Variants in SOX5 observed in about 807,000 individuals in gnomAD.
SOX5 encodes SRY-box transcription factor 5, also known as transcription factor SOX-5.
A neutral mutation model predicts 92.0 loss-of-function variants in SOX5; 9 were observed. That is an observed-to-expected ratio of 0.10 (90% CI 0.06 to 0.17). The LOEUF (loss-of-function observed/expected upper bound fraction) is 0.17, where lower values mean the gene tolerates loss of function less well. SOX5 is among the 10% of genes least tolerant of loss of function. SOX5 has a pLI of 1.00. For synonymous variants in SOX5, 344 were observed against 336.3 expected, an observed-to-expected ratio of 1.02 and a Z score of -0.25; for missense variants, 642 against 944.5, an observed-to-expected ratio of 0.68 and a Z score of 4.20.
intron 1 of SOX5, among the ~76,000 whole-genome samples, chr12:23,903,117 C>T (rs1051905572): frequency 6.6e-6 from 1 of 152,110 alleles, no homozygotes; most frequent in Non-Finnish European, 1.5e-5. Context: ...GTGAAAGATA[C>T]TATGTGCCCG....
At chr12:23,697,792 C>T (rs2090088252) in intron 6 of SOX5, among the ~76,000 whole-genome samples, 1 of 152,188 alleles carries the variant, frequency 6.6e-6, no homozygotes, top group Non-Finnish European at 1.5e-5. Flanking sequence ...CTCAAGAGAT[C>T]TGCCTGCCTT....
chr12:23,592,197 A>T (rs945011186), intron 9 of SOX5, among the ~76,000 whole-genome samples: 5 of 152,166 alleles, frequency 3.3e-5, no homozygotes, highest in African/African-American at 1.2e-4. Context: ...TTGGTAAAAA[A>T]TTTGAAAGAA....
At chr12:24,400,080 G>A (rs1284998864) in intron 1 of SOX5, among the ~76,000 whole-genome samples, 1 of 152,110 alleles carries the variant, frequency 6.6e-6, no homozygotes, top group Non-Finnish European at 1.5e-5. Flanking sequence ...AGGAAATCCA[G>A]TCCATAATTC....
chr12:23,584,411 G>A lies in SOX5; in HGVS notation c.1165-8573C>T, dbSNP rs573755116. On this transcript the variant is annotated intron_variant, in intron 9 of 14. Coordinates refer to ENST00000451604, the MANE Select transcript of SOX5 (RefSeq NM_006940.6). ...TCAGATCTTTGAAAAGTTTGGTCTG[G>A]TTATACGCAGATAGGCCATCTTTAG... 1.4e-5 allele frequency: 10 copies of A among 730,228 alleles called. No individual in the cohort carries two copies. The South Asian group carries it at 1.5e-4, about 11-fold the overall frequency. The allele number at this position is 730,228 out of a possible 1,614,324, so 45.2% of individuals were successfully genotyped here. A position where few individuals can be genotyped will look rare whatever the true frequency, so the allele number is the denominator to read the frequency against.
intron 2 of SOX5, among the ~76,000 whole-genome samples, chr12:24,360,461 C>T (rs1955415229): frequency 6.6e-6 from 1 of 151,958 alleles, no homozygotes; most frequent in Non-Finnish European, 1.5e-5. Flanking sequence ...CATAAAAAGT[C>T]CAAAAAGTAG....
At chr12:23,639,419 A>T (rs937872592) in intron 8 of SOX5, among the ~76,000 whole-genome samples, 1 of 152,176 alleles carries the variant, frequency 6.6e-6, no homozygotes, top group Non-Finnish European at 1.5e-5. Flanking sequence ...ACTTGCTTTG[A>T]AAACCAACAT....
chr12:24,278,671 A>G (rs1361518136), intron 2 of SOX5, among the ~76,000 whole-genome samples: 1 of 152,142 alleles, frequency 6.6e-6, no homozygotes, highest in East Asian at 1.9e-4. Context: ...TGGTTGCGTC[A>G]CTGCACTTCA....
chr12:23,845,734 T>C (rs978581044), intron 3 of SOX5, among the ~76,000 whole-genome samples: 1 of 152,160 alleles, frequency 6.6e-6, no homozygotes, highest in African/African-American at 2.4e-5. Flanking sequence ...TATTCTTGAA[T>C]CTTTTTCATG....
At chr12:24,328,709 T>C (rs761077353) in intron 2 of SOX5, among the ~76,000 whole-genome samples, 4 of 152,230 alleles carry the variant, frequency 2.6e-5, no homozygotes, top group African/African-American at 4.8e-5. Flanking sequence ...ACAATGGAAA[T>C]GGATAAAACA....
At chr12:24,206,031 C>T (rs1010183492) in intron 4 of SOX5, among the ~76,000 whole-genome samples, 1 of 152,120 alleles carries the variant, frequency 6.6e-6, no homozygotes, top group Non-Finnish European at 1.5e-5. Context: ...ATTGTTCACC[C>T]AAAAATGTAA....
At chr12:24,541,570 A>G (rs1434564232) in intron 1 of SOX5, among the ~76,000 whole-genome samples, 2 of 152,202 alleles carry the variant, frequency 1.3e-5, no homozygotes, top group African/African-American at 2.4e-5. Context: ...TGAAATTGCA[A>G]TAAAGCATTT....
chr12:23,628,920 C>T (rs2078182422), intron 8 of SOX5, among the ~76,000 whole-genome samples: 1 of 151,770 alleles, frequency 6.6e-6, no homozygotes, highest in Non-Finnish European at 1.5e-5. Context: ...TCTTCTTGGT[C>T]CTTCTCTCAG....
In SOX5 at chr12:23,759,864, G is replaced by A. The variant is rs1185118406; in HGVS notation, c.482-4140C>T. On this transcript the variant is annotated intron_variant, in intron 3 of 14. Transcript: ENST00000451604. Reference sequence around the variant, plus strand: ...TTTAAAAATGCACAAGCATAGAATCGTATTTTGTACTATGAATATGGTATG... The same window carrying A: ...TTTAAAAATGCACAAGCATAGAATCATATTTTGTACTATGAATATGGTATG... Among the ~76,000 whole-genome samples, 4 of 151,996 alleles carry A rather than the reference G, an allele frequency of 2.6e-5. 1 individual carries two copies. The highest frequency in any genetic ancestry group is 5.9e-5 in the Non-Finnish European group (4 of 67,966).
At chr12:24,040,120 C>A (rs1053083400) in intron 4 of SOX5, among the ~76,000 whole-genome samples, 42 of 152,010 alleles carry the variant, frequency 2.8e-4, no homozygotes, top group African/African-American at 9.9e-4. Context: ...ACATTATTTT[C>A]CCAGGAAGAT....
intron 1 of SOX5, among the ~76,000 whole-genome samples, chr12:24,413,437 A>G (rs1280199184): frequency 1.3e-5 from 2 of 152,202 alleles, no homozygotes; most frequent in East Asian, 1.9e-4. Flanking sequence ...ATCTGCCCAC[A>G]TTGTTACACA....
At chr12:24,391,257 T>C (rs529586695) in intron 1 of SOX5, among the ~76,000 whole-genome samples, 1 of 152,292 alleles carries the variant, frequency 6.6e-6, no homozygotes, top group African/African-American at 2.4e-5. Flanking sequence ...TTTACCCACT[T>C]TTAAAAGGAG....
At chr12:23,799,851 A>T (rs2095630812) in intron 3 of SOX5, among the ~76,000 whole-genome samples, 1 of 152,044 alleles carries the variant, frequency 6.6e-6, no homozygotes, top group Non-Finnish European at 1.5e-5. Flanking sequence ...AAATTTTAAC[A>T]ACTTATTTAT....
intron 5 of SOX5, among the ~76,000 whole-genome samples, chr12:23,735,798 G>T (rs191819692): frequency 6.6e-6 from 1 of 152,064 alleles, no homozygotes; most frequent in Admixed American, 6.5e-5. Flanking sequence ...TGTTATTTGT[G>T]TTTACTTCTA....
intron 4 of SOX5, among the ~76,000 whole-genome samples, chr12:24,139,746 C>T (rs1017686984): frequency 5.3e-5 from 8 of 152,218 alleles, no homozygotes; most frequent in African/African-American, 7.2e-5. Context: ...TTCGGCTTAA[C>T]GGGTGATTCT....
Sources: allele counts gnomAD v4.1 joint callset (sites outside exome capture counted in the v4.1 genomes callset), GRCh38; gene constraint gnomAD v4.1.1; transcripts MANE v1.5; gene names NCBI Gene and HGNC (gene_info 2026-07-23, HGNC 2026-07-21).